The following CCDC80 variants were observed in gnomAD, a reference collection of about 807,000 sequenced individuals.
CCDC80 encodes coiled-coil domain-containing protein 80.
Under a neutral mutation model 78.7 loss-of-function variants are expected in CCDC80, and 49 were observed. That is an observed-to-expected ratio of 0.62 (90% CI 0.50 to 0.79). The LOEUF (loss-of-function observed/expected upper bound fraction) is 0.79. Among genes scored for constraint, CCDC80 ranks in the 30% least tolerant of loss-of-function variants. The pLI, the probability that CCDC80 is intolerant of heterozygous loss-of-function variation, is 0.00. For missense variants in CCDC80, 1,205 were observed against 1,198.6 expected (o/e 1.01, Z -0.08); for synonymous variants, 488 against 447.0 (o/e 1.09, Z -1.16).
At chr3:112,631,362 A>T (rs1936095051) in intron 2 of CCDC80, among the ~76,000 whole-genome samples, 1 of 152,160 alleles carries the variant, frequency 6.6e-6, no homozygotes, top group Non-Finnish European at 1.5e-5. Context: ...GATGATGACC[A>T]GGTCTTTGTT....
At position 112,614,987 on chromosome 3, in the gene CCDC80, A is replaced by T. The variant is rs1368629642; in HGVS notation, c.2321+1723T>A. On this transcript the variant is annotated intron_variant, in intron 5 of 7. Transcript: ENST00000206423. ...GGAATGAAGGTGACGTGCTTGGCAC[A>T]GAGATTAGCACACAAAAAGTGTTCA... Among the ~76,000 whole-genome samples the T allele has an allele frequency of 3.3e-5, 5 of 152,246 alleles. No homozygotes were observed. In the East Asian group the frequency reaches 9.6e-4, roughly 29 times the overall value.
intron 3 of CCDC80, among the ~76,000 whole-genome samples, chr3:112,628,331 G>T (rs955313845): frequency 3.9e-5 from 6 of 152,164 alleles, no homozygotes; most frequent in African/African-American, 1.4e-4. Flanking sequence ...GCCTGATCTG[G>T]ATGAGCTGTT....
rs1033741027 is a variant in CCDC80 at position 112,600,111 on chromosome 3, G to C, written c.*5306C>G. ...ACCTAGTTTATACTACCAGAAGACA[G>C]AGATTCAGGTTAGCTAGTTTGCTAA... On this transcript the variant is annotated 3_prime_UTR_variant, in exon 8 of 8. Transcript: ENST00000206423. 3 of 152,236 alleles carry C rather than the reference G, an allele frequency of 2.0e-5. No homozygotes were observed. The highest frequency in any genetic ancestry group is 1.3e-4 in the Admixed American group (2 of 15,290). The allele number at this position is 152,236 out of a possible 1,614,324, so 9.4% of individuals were successfully genotyped here. A position where few individuals can be genotyped will look rare whatever the true frequency, so the allele number is the denominator to read the frequency against.
chr3:112,608,380 C>T (rs1030921930), intron 6 of CCDC80, among the ~76,000 whole-genome samples: 1 of 152,026 alleles, frequency 6.6e-6, no homozygotes, highest in African/African-American at 2.4e-5. Flanking sequence ...TACTCTTTTC[C>T]CAGAGAAGTG....
At chr3:112,632,022 G>A (rs1479452129) in intron 2 of CCDC80, among the ~76,000 whole-genome samples, 2 of 152,042 alleles carry the variant, frequency 1.3e-5, no homozygotes, top group South Asian at 4.1e-4. Context: ...TTTTTAAGGG[G>A]AAAAACAAAA....
rs1935399666 is a variant in CCDC80 at position 112,602,934 on chromosome 3, T to TC, written c.*2482dup. 2 of 154,176 alleles carry TC rather than the reference T, an allele frequency of 1.3e-5. No homozygotes were observed. Among genetic ancestry groups the TC allele is most frequent in the South Asian group, 4.1e-4 (2 of 4,864 alleles). 9.6% of individuals were successfully genotyped at this position (154,176 alleles called of 1,614,324 possible). A position where few individuals can be genotyped will look rare whatever the true frequency, so the allele number is the denominator to read the frequency against. On this transcript the variant is annotated 3_prime_UTR_variant, in exon 8 of 8. Coordinates refer to ENST00000206423, the MANE Select transcript of CCDC80 (RefSeq NM_199511.3). ...CCTTATATTGGAAGAAGATGCCATCTCAGACTTACGTATCTAGAGAGGAGT... is the reference window on the plus strand; with the variant it reads ...CCTTATATTGGAAGAAGATGCCATCTCCAGACTTACGTATCTAGAGAGGAGT...
At chr3:112,606,395 CTTTTT>C (rs111596250) in intron 7 of CCDC80, among the ~76,000 whole-genome samples, 2 of 146,160 alleles carry the variant, frequency 1.4e-5, no homozygotes, top group South Asian at 4.3e-4. Flanking sequence ...AGTCAAGAGT[CTTTTT>C]TTGTTTTGTT....
At chr3:112,629,424 A>G (rs1036897496) in intron 3 of CCDC80, among the ~76,000 whole-genome samples, 7 of 152,188 alleles carry the variant, frequency 4.6e-5, no homozygotes, top group African/African-American at 1.7e-4. Context: ...GCTTCTGACT[A>G]TGAGGCTTAA....
At chr3:112,609,341 C>T (rs4467422) in intron 6 of CCDC80, among the ~76,000 whole-genome samples, 149 of 152,270 alleles carry the variant, frequency 9.8e-4, no homozygotes, top group African/African-American at 3.4e-3. Flanking sequence ...TTTCAAAATT[C>T]TGAGCGATTC....
rs144586237 is a variant in CCDC80 at position 112,599,563 on chromosome 3, G to A, written c.*5854C>T. The A allele has an allele frequency of 6.0e-4, 91 of 152,458 alleles. 1 individual carries two copies. Among genetic ancestry groups the A allele is most frequent in the African/African-American group, 2.2e-3 (90 of 41,560 alleles). 9.4% of individuals were successfully genotyped at this position (152,458 alleles called of 1,614,324 possible). A position where few individuals can be genotyped will look rare whatever the true frequency, so the allele number is the denominator to read the frequency against. On this transcript the variant is annotated 3_prime_UTR_variant, in exon 8 of 8. Coordinates refer to ENST00000206423, the MANE Select transcript of CCDC80 (RefSeq NM_199511.3). ...CGAAACGAACAGAGAAACGAACAGAGGTTTTTTCCAAGGGCCTTCTATTTT... is the reference window on the plus strand; with the variant it reads ...CGAAACGAACAGAGAAACGAACAGAAGTTTTTTCCAAGGGCCTTCTATTTT...
chr3:112,597,289 G>A lies in CCDC80; in HGVS notation c.*8128C>T, dbSNP rs181224248. On this transcript the variant is annotated 3_prime_UTR_variant, in exon 8 of 8. Coordinates refer to ENST00000206423, the MANE Select transcript of CCDC80 (RefSeq NM_199511.3). ...ATTAGGAAGCTAAGTGGGTAAGAAA[G>A]AAAAAATAAAGGCAGAGCATAACGA... 1 of 152,134 alleles carries A rather than the reference G, an allele frequency of 6.6e-6. No homozygotes were observed. Among genetic ancestry groups the A allele is most frequent in the Admixed American group, 6.6e-5 (1 of 15,256 alleles). 9.4% of individuals were successfully genotyped at this position (152,134 alleles called of 1,614,324 possible). A position where few individuals can be genotyped will look rare whatever the true frequency, so the allele number is the denominator to read the frequency against.
intron 5 of CCDC80, 22 bp from the exon 6 acceptor site, chr3:112,610,103 C>T: frequency 1.3e-6 from 2 of 1,578,482 alleles, no homozygotes; most frequent in Non-Finnish European, 8.7e-7. Flanking sequence ...AAGCAGGACA[C>T]CATTACTGCT....
At chr3:112,619,126 A>G (rs753655391) in intron 3 of CCDC80, 22 bp from the exon 4 acceptor site, 19 of 1,550,068 alleles carry the variant, frequency 1.2e-5, no homozygotes, top group Non-Finnish European at 1.7e-5. Context: ...TAAAATGTGA[A>G]TGAATATGGG....
intron 2 of CCDC80, among the ~76,000 whole-genome samples, chr3:112,635,873 C>T (rs1302400523): frequency 1.3e-5 from 2 of 152,150 alleles, no homozygotes; most frequent in Non-Finnish European, 2.9e-5. Context: ...AGGATTGGCC[C>T]AGCTGGGCTT....
intron 3 of CCDC80, among the ~76,000 whole-genome samples, chr3:112,628,305 C>G (rs968540170): frequency 2.0e-5 from 3 of 152,098 alleles, no homozygotes; most frequent in African/African-American, 7.2e-5. Context: ...GTTTTATCAC[C>G]AAGAATAATA....
chr3:112,619,453 G>A (rs539332336), intron 3 of CCDC80, among the ~76,000 whole-genome samples: 6 of 152,234 alleles, frequency 3.9e-5, no homozygotes, highest in Middle Eastern at 3.4e-3. Context: ...CTAACTCACC[G>A]GGGAACTGGA....
Position 112,638,645 on chromosome 3 carries a change from C to A in CCDC80, c.1261G>T (p.Asp421Tyr), listed in dbSNP as rs376493692. The A allele has an allele frequency of 2.9e-5, 46 of 1,613,914 alleles. No homozygotes were observed. The African/African-American group carries it at 5.2e-4, about 18-fold the overall frequency. ...SENLYPPSRKDQHRERPQTTR... is the reference protein window; with the variant it reads ...SENLYPPSRKYQHRERPQTTR... ...GTCTGTGGCCTCTCCCTGTGCTGAT[C>A]CTTCCGGGATGGAGGGTAAAGATTC... Residue 421 changes from aspartate to tyrosine, a missense_variant, in exon 2 of 8, where the codon GAT becomes TAT. Coordinates refer to ENST00000206423, the MANE Select transcript of CCDC80 (RefSeq NM_199511.3).
chr3:112,605,420 G>T lies in CCDC80; in HGVS notation c.2850C>A (p.Tyr950Ter). 2 of 1,609,280 alleles carry T rather than the reference G, an allele frequency of 1.2e-6. No individual in the cohort carries two copies. Among genetic ancestry groups the T allele is most frequent in the African/African-American group, 1.3e-5 (1 of 74,988 alleles). ...GTCTAAGGTTACATATTTCTGCTCA[G>T]TAAGGGTATCCATGGTGATAACTCT... ...HHESYHHGYP[Y>*] The change falls in exon 8 of 8, where the codon TAC (tyrosine) becomes TAA (stop). Residue 950 changes from tyrosine to a stop codon, truncating the protein, a stop_gained. Coordinates refer to ENST00000206423, the MANE Select transcript of CCDC80 (RefSeq NM_199511.3). LOFTEE classifies it high-confidence loss of function.
chr3:112,615,746 T>C lies in CCDC80; in HGVS notation c.2321+964A>G, dbSNP rs892460724. ...CAGCCAAAATCCACCAAAATCAAAA[T>C]GGCGATGAGAGTGACCTCTGGTCGT... is the stretch of plus-strand genomic sequence containing the variant. On this transcript the variant is annotated intron_variant, in intron 5 of 7. Transcript: ENST00000206423. Among the ~76,000 whole-genome samples, 4 of 152,094 alleles carry C rather than the reference T, an allele frequency of 2.6e-5. No individual in the cohort carries two copies. The South Asian group carries it at 8.3e-4, about 32-fold the overall frequency.
Sources: allele counts gnomAD v4.1 joint callset (sites outside exome capture counted in the v4.1 genomes callset), GRCh38; gene constraint gnomAD v4.1.1; transcripts MANE v1.5; gene names NCBI Gene and HGNC (gene_info 2026-07-23, HGNC 2026-07-21).